PRR16: variants seen among roughly 807,000 people sequenced by gnomAD.
PRR16 encodes the protein proline rich 16.
In PRR16, 6 loss-of-function variants were observed where a neutral mutation model predicts 18.2. The observed-to-expected ratio is 0.33, with a 90% CI of 0.18 to 0.65. The LOEUF is 0.65. Among genes scored for constraint, PRR16 ranks in the 30% least tolerant of loss-of-function variants. The pLI, the probability that PRR16 is intolerant of heterozygous loss-of-function variation, is 0.74. For missense variants in PRR16, 412 were observed against 376.6 expected (o/e 1.09, Z -0.78); for synonymous variants, 151 against 147.8 (o/e 1.02, Z -0.16).
At chr5:120,601,643 C>G (rs753368623) in intron 1 of PRR16, among the ~76,000 whole-genome samples, 10 of 151,862 alleles carry the variant, frequency 6.6e-5, no homozygotes, top group Non-Finnish European at 1.5e-4. Context: ...TTTGCCAAGT[C>G]CTGTGTTTAC....
chr5:120,785,572 G>GTTTTTTT, the PRR16 span, among the ~76,000 whole-genome samples: 39 of 119,932 alleles, frequency 3.3e-4, 1 homozygote, highest in African/African-American at 6.6e-4. Context: ...TTTTGTTGTT[G>GTTTTTTT]TTGTTTTTTT....
chr5:120,576,177 T>A (rs79915223), intron 1 of PRR16, among the ~76,000 whole-genome samples: 119 of 152,258 alleles, frequency 7.8e-4, no homozygotes, highest in African/African-American at 2.6e-3. Context: ...ACTAAAAATC[T>A]TCTGCCCAAG....
chr5:120,750,091 C>T, the PRR16 span, among the ~76,000 whole-genome samples: 4 of 152,100 alleles, frequency 2.6e-5, no homozygotes, highest in Middle Eastern at 3.4e-3. Context: ...GGTACCTTTA[C>T]GTAGCAAAAC....
chr5:120,464,612 C>A lies in PRR16; in HGVS notation c.126C>A (p.Gly42=), dbSNP rs1240670107. 3 of 1,575,804 alleles carry A rather than the reference C, an allele frequency of 1.9e-6. No individual in the cohort carries two copies. The highest frequency in any genetic ancestry group is 2.6e-6 in the Non-Finnish European group (3 of 1,168,808). The change falls in exon 1 of 2, where the codon GGC becomes GGA. Residue 42 remains glycine (G), a synonymous_variant. Transcript: ENST00000407149. ...IIVEDLELVL[G]DLKDVAKELK... ...TGGAGGATTTGGAATTAGTCCTGGG[C>A]GACCTGAAGGACGTGGCCAAGGAAC...
the PRR16 span, among the ~76,000 whole-genome samples, chr5:120,767,637 C>CTAT: frequency 6.6e-6 from 1 of 151,844 alleles, no homozygotes; most frequent in Non-Finnish European, 1.5e-5. Flanking sequence ...TTTGGAAGTA[C>CTAT]TATTTCACAA....
intron 1 of PRR16, among the ~76,000 whole-genome samples, chr5:120,487,247 A>C (rs934839532): frequency 1.4e-4 from 22 of 152,194 alleles, no homozygotes; most frequent in Non-Finnish European, 2.9e-5. Flanking sequence ...CAGTATGGCC[A>C]TTTTGACGAT....
chr5:120,578,333 T>C (rs1158679660), intron 1 of PRR16, among the ~76,000 whole-genome samples: 1 of 152,206 alleles, frequency 6.6e-6, no homozygotes, highest in East Asian at 1.9e-4. Context: ...GTTTGTTACA[T>C]AGGTATATGG....
At chr5:120,520,310 G>A (rs1218390964) in intron 1 of PRR16, among the ~76,000 whole-genome samples, 3 of 152,084 alleles carry the variant, frequency 2.0e-5, no homozygotes, top group Non-Finnish European at 2.9e-5. Flanking sequence ...CAGGAGAATC[G>A]CTTGAACCTA....
chr5:120,613,309 C>T (rs770033133), intron 1 of PRR16, among the ~76,000 whole-genome samples: 12 of 151,940 alleles, frequency 7.9e-5, no homozygotes, highest in Non-Finnish European at 1.8e-4. Flanking sequence ...GATTTTATAT[C>T]ATATTTTATC....
chr5:120,780,729 C>A, the PRR16 span, among the ~76,000 whole-genome samples: 1 of 152,094 alleles, frequency 6.6e-6, no homozygotes, highest in African/African-American at 2.4e-5. Flanking sequence ...AAAGTTACTA[C>A]ATCGTAGTAA....
At chr5:120,756,414 A>G in the PRR16 span, among the ~76,000 whole-genome samples, 1 of 152,132 alleles carries the variant, frequency 6.6e-6, no homozygotes, top group African/African-American at 2.4e-5. Context: ...CATTTCTACC[A>G]GAAGTATGTA....
At chr5:120,630,828 G>A (rs988787093) in intron 1 of PRR16, among the ~76,000 whole-genome samples, 2 of 152,076 alleles carry the variant, frequency 1.3e-5, no homozygotes, top group African/African-American at 2.4e-5. Flanking sequence ...TCATTGGTTT[G>A]CACTATCGTT....
At chr5:120,484,377 TTA>T (rs1315654457) in intron 1 of PRR16, among the ~76,000 whole-genome samples, 4 of 145,664 alleles carry the variant, frequency 2.7e-5, no homozygotes, top group African/African-American at 9.9e-5. Context: ...TACATGAATA[TTA>T]TATATATCAT....
chr5:120,761,621 C>A, the PRR16 span, among the ~76,000 whole-genome samples: 2 of 151,956 alleles, frequency 1.3e-5, no homozygotes, highest in African/African-American at 2.4e-5. Flanking sequence ...TTTGTACATA[C>A]TAATGTGGTA....
intron 1 of PRR16, among the ~76,000 whole-genome samples, chr5:120,629,158 T>A (rs908273055): frequency 6.6e-6 from 1 of 152,078 alleles, no homozygotes; most frequent in Non-Finnish European, 1.5e-5. Flanking sequence ...TCTATGTTAG[T>A]TTGATTAGGA....
chr5:120,662,498 C>G (rs146473994), intron 1 of PRR16, among the ~76,000 whole-genome samples: 1,961 of 152,060 alleles, frequency 0.013, 19 homozygotes, highest in Middle Eastern at 0.048. Flanking sequence ...AAGTGTATAT[C>G]TTATGTATTT....
chr5:120,571,207 G>C (rs1457906316), intron 1 of PRR16, among the ~76,000 whole-genome samples: 1 of 152,124 alleles, frequency 6.6e-6, no homozygotes, highest in African/African-American at 2.4e-5. Flanking sequence ...CTGGAGAGAG[G>C]TCCTTGATAT....
At chr5:120,480,738 ATATATT>A (rs1749584203) in intron 1 of PRR16, among the ~76,000 whole-genome samples, 1 of 152,176 alleles carries the variant, frequency 6.6e-6, no homozygotes, top group Non-Finnish European at 1.5e-5. Context: ...GGAATGAAGA[ATATATT>A]TAAGTCTTGT....
the PRR16 span, among the ~76,000 whole-genome samples, chr5:120,785,578 T>G: frequency 1.4e-3 from 168 of 120,918 alleles, 5 homozygotes; most frequent in Non-Finnish European, 2.3e-3. Context: ...TGTTGTTGTT[T>G]TTTTTTTTTT....
Sources: allele counts gnomAD v4.1 joint callset (sites outside exome capture counted in the v4.1 genomes callset), GRCh38; gene constraint gnomAD v4.1.1; transcripts MANE v1.5; gene names NCBI Gene and HGNC (gene_info 2026-07-23, HGNC 2026-07-21).